The following HEPACAM2 variants were observed in gnomAD, a reference collection of about 807,000 sequenced individuals.
The protein encoded by HEPACAM2 is HEPACAM family member 2, also known as mitotic kinetics regulator.
In HEPACAM2, 49 loss-of-function variants were observed where a neutral mutation model predicts 49.6. The observed-to-expected ratio is 0.99, with a 90% CI of 0.78 to 1.25. The LOEUF (loss-of-function observed/expected upper bound fraction) is 1.25. HEPACAM2 is among the 50% of genes most tolerant of loss of function. The pLI is 0.00. For missense variants in HEPACAM2, 525 were observed against 557.2 expected, an observed-to-expected ratio of 0.94 and a Z score of 0.58; for synonymous variants, 197 against 202.9, an observed-to-expected ratio of 0.97 and a Z score of 0.25.
intron 4 of HEPACAM2, among the ~76,000 whole-genome samples, chr7:93,203,911 T>TG (rs1793960040): frequency 6.6e-6 from 1 of 152,110 alleles, no homozygotes; most frequent in South Asian, 2.1e-4. Flanking sequence ...ATAGGCCCAC[T>TG]GACAGACACA....
rs747804082 is a variant in HEPACAM2 at position 93,215,576 on chromosome 7, G to A, written c.540C>T (p.Tyr180=). 4 of 1,613,554 alleles carry A rather than the reference G, an allele frequency of 2.5e-6. No individual in the cohort carries two copies. Among genetic ancestry groups the A allele is most frequent in the Non-Finnish European group, 2.5e-6 (3 of 1,179,834 alleles). Residue 180 remains tyrosine, a synonymous_variant, in exon 3 of 10, where the codon TAC becomes TAT. Coordinates refer to ENST00000394468, the MANE Select transcript of HEPACAM2 (RefSeq NM_001039372.4). The stretch of plus-strand genomic sequence containing the variant: ...CAGGTCTCCCATTTTTTAGCCATTG[G>A]TAAGCTAGCCGAGTGCCCCCTTCCA... ...CHVEGGTRLA[Y]QWLKNGRPVH...
Position 93,215,684 on chromosome 7 carries a change from AT to A in HEPACAM2, c.431del (p.Asp144ValfsTer23). 6.2e-7 allele frequency: 1 copy of A among 1,612,380 alleles called. No homozygotes were observed. The highest frequency in any genetic ancestry group is 8.5e-7 in the Non-Finnish European group (1 of 1,178,846). On this transcript the variant is annotated frameshift_variant and splice_region_variant, in exon 3 of 10. Transcript: ENST00000394468. LOFTEE classifies it high-confidence loss of function. ...ASQKIQVTVDDPVTKPVVQIH... is the reference protein window; with the variant it reads ...ASQKIQVTVDXPVTKPVVQIH... ...TCTGCACCACTGGCTTTGTGACAGGATCTGCAATATTAAGAGAGATATGAAT... is the reference window on the plus strand; with the variant it reads ...TCTGCACCACTGGCTTTGTGACAGGACTGCAATATTAAGAGAGATATGAAT...
rs1309180069 is a variant in HEPACAM2 at position 93,219,289 on chromosome 7, A to C, written c.242T>G (p.Leu81Arg). Residue 81 changes from leucine (L) to arginine (R), a missense_variant, in exon 2 of 10, where the codon CTG becomes CGG. Leu to Arg is a moderately radical substitution (Grantham distance 102). Transcript: ENST00000394468. ...ERPHTMPKYL[L>R]GSVNKSVVPD... ...AACCACAGACTTATTCACAGAGCCC[A>C]GTAAGTATTTGGGCATTGTGTGGGG... 6.2e-7 allele frequency: 1 copy of C among 1,614,030 alleles called. No individual in the cohort carries two copies. Among genetic ancestry groups the C allele is most frequent in the Admixed American group, 1.7e-5 (1 of 59,982 alleles).
chr7:93,196,523 C>T (rs1038573868), intron 7 of HEPACAM2, among the ~76,000 whole-genome samples: 5 of 152,068 alleles, frequency 3.3e-5, no homozygotes, highest in African/African-American at 9.7e-5. Context: ...AGAAGGCCCA[C>T]ATTTATTACA....
chr7:93,229,013 T>G (rs569717353), upstream of HEPACAM2, among the ~76,000 whole-genome samples: 59 of 152,366 alleles, frequency 3.9e-4, no homozygotes, highest in African/African-American at 1.1e-3. Context: ...GTCTGCTGCA[T>G]GCATTTCAAA....
chr7:93,202,019 CA>C (rs200583953), intron 4 of HEPACAM2, among the ~76,000 whole-genome samples: 1,154 of 28,378 alleles, frequency 0.041, 17 homozygotes, highest in African/African-American at 0.11. Flanking sequence ...GATAAAAAAG[CA>C]AAAAAAAAAA....
At chr7:93,225,938 G>C (rs545481595) in intron 1 of HEPACAM2, 1 of 1,398,742 alleles carries the variant, frequency 7.1e-7, no homozygotes, top group East Asian at 2.5e-5. Context: ...GCAGTAAACA[G>C]TTTGCAACAA....
chr7:93,230,585 C>T (rs930782433), upstream of HEPACAM2, among the ~76,000 whole-genome samples: 5 of 152,142 alleles, frequency 3.3e-5, no homozygotes, highest in African/African-American at 4.8e-5. Context: ...TTGCCTTGAG[C>T]GCAACAATCA....
At chr7:93,219,791 G>A (rs942930469) in intron 1 of HEPACAM2, among the ~76,000 whole-genome samples, 3 of 152,220 alleles carry the variant, frequency 2.0e-5, no homozygotes, top group African/African-American at 4.8e-5. Context: ...TTGGAATTAT[G>A]ACTATATTAA....
rs1352012938 is a variant in HEPACAM2, at chr7:93,215,556, C to A, written c.560G>T (p.Arg187Ile). The change falls in exon 3 of 10, where the codon AGA (arginine) becomes ATA (isoleucine). Residue 187 changes from arginine to isoleucine, a missense_variant. By Grantham distance (97) the Arg-to-Ile change is moderately conservative. Transcript: ENST00000394468. ...RLAYQWLKNG[R>I]PVHTSSTYSF... ...GTAGGTGGAGCTGGTGTGGACAGGT[C>A]TCCCATTTTTTAGCCATTGGTAAGC... The A allele has an allele frequency of 3.7e-6, 6 of 1,613,706 alleles. No individual in the cohort carries two copies. Among genetic ancestry groups the A allele is most frequent in the Non-Finnish European group, 5.1e-6 (6 of 1,179,832 alleles).
intron 4 of HEPACAM2, among the ~76,000 whole-genome samples, chr7:93,208,034 T>C (rs995958695): frequency 7.9e-5 from 12 of 152,140 alleles, no homozygotes; most frequent in Non-Finnish European, 1.5e-4. Flanking sequence ...TCAGATGATT[T>C]CTAGAGAAAG....
upstream of HEPACAM2, among the ~76,000 whole-genome samples, chr7:93,230,366 G>A (rs1054088814): frequency 6.6e-6 from 1 of 152,116 alleles, no homozygotes; most frequent in African/African-American, 2.4e-5. Flanking sequence ...GCTAGAGCTG[G>A]ACTGCCTTTA....
chr7:93,198,978 T>A (rs1014154830), intron 4 of HEPACAM2, among the ~76,000 whole-genome samples: 4 of 136,160 alleles, frequency 2.9e-5, no homozygotes, highest in African/African-American at 1.1e-4. Flanking sequence ...GTGTAGATCA[T>A]ATGTGCAAAA....
chr7:93,197,744 A>C (rs911518512), intron 4 of HEPACAM2, 134 bp from the exon 5 acceptor site: 23 of 600,812 alleles, frequency 3.8e-5, no homozygotes, highest in African/African-American at 2.6e-4. Context: ...ACACAGAGAG[A>C]GAGAGAGACC....
upstream of HEPACAM2, among the ~76,000 whole-genome samples, chr7:93,230,230 G>A (rs1345664607): frequency 6.6e-6 from 1 of 152,150 alleles, no homozygotes; most frequent in African/African-American, 2.4e-5. Context: ...GTGTATTTGA[G>A]TATGTGAGGG....
At position 93,215,581 on chromosome 7, in the gene HEPACAM2, C is replaced by G. The variant is rs149474011; in HGVS notation, c.535G>C (p.Ala179Pro). The G allele has an allele frequency of 3.3e-4, 528 of 1,613,668 alleles. 2 individuals carry two copies. Among genetic ancestry groups the G allele is most frequent in the Non-Finnish European group, 4.2e-4 (497 of 1,179,848 alleles). ...CTCCCATTTTTTAGCCATTGGTAAG[C>G]TAGCCGAGTGCCCCCTTCCACATGG... is the stretch of plus-strand genomic sequence containing the variant. ...TCHVEGGTRLAYQWLKNGRPV... is the reference protein window; with the variant it reads ...TCHVEGGTRLPYQWLKNGRPV... Residue 179 changes from alanine (A) to proline (P), a missense_variant, in exon 3 of 10, where the codon GCT (alanine) becomes CCT (proline). Transcript: ENST00000394468.
intron 4 of HEPACAM2, among the ~76,000 whole-genome samples, chr7:93,199,806 T>A (rs1793835107): frequency 6.6e-6 from 1 of 152,036 alleles, no homozygotes; most frequent in Non-Finnish European, 1.5e-5. Flanking sequence ...TTTCCTCAAG[T>A]GTAGGCAATG....
chr7:93,189,577 A>G (rs1793489160), intron 9 of HEPACAM2, among the ~76,000 whole-genome samples: 1 of 152,008 alleles, frequency 6.6e-6, no homozygotes, highest in African/African-American at 2.4e-5. Context: ...AATAGACAAC[A>G]TTGAAATACA....
chr7:93,204,925 C>A (rs1793990527), intron 4 of HEPACAM2, among the ~76,000 whole-genome samples: 1 of 151,870 alleles, frequency 6.6e-6, no homozygotes, highest in South Asian at 2.1e-4. Context: ...CATGGTGAAA[C>A]CTCATCTCTA....
Sources: gnomAD v4.1 joint callset for allele counts (sites outside exome capture counted in the v4.1 genomes callset) on GRCh38, gnomAD v4.1.1 for gene constraint, MANE v1.5 for transcripts, NCBI Gene and HGNC (gene_info 2026-07-23, HGNC 2026-07-21) for gene names.